MAP2K1: variants seen among roughly 807,000 people sequenced by gnomAD.
The protein encoded by MAP2K1 is dual specificity mitogen-activated protein kinase kinase 1.
In MAP2K1, 16 loss-of-function variants were observed where a neutral mutation model predicts 46.3. The ratio of observed to expected loss-of-function variants is 0.35; its 90% CI spans 0.23 to 0.52. The LOEUF is 0.52. Among genes scored for constraint, MAP2K1 ranks in the 20% least tolerant of loss-of-function variants. The probability of loss-of-function intolerance (pLI) is 0.94; values close to 1 mark genes in which losing one functional copy is unlikely to be tolerated. For synonymous variants in MAP2K1, 183 were observed against 185.6 expected, an observed-to-expected ratio of 0.99 and a Z score of 0.11; for missense variants, 263 against 497.1, an observed-to-expected ratio of 0.53 and a Z score of 4.48.
chr15:66,403,046 C>G (rs1380222566), intron 1 of MAP2K1, among the ~76,000 whole-genome samples: 1 of 152,200 alleles, frequency 6.6e-6, no homozygotes, highest in Non-Finnish European at 1.5e-5. Context: ...CTAACAGGTT[C>G]TCTAGACCTG....
intron 1 of MAP2K1, among the ~76,000 whole-genome samples, chr15:66,403,808 C>T (rs547034187): frequency 6.6e-6 from 1 of 152,296 alleles, no homozygotes; most frequent in Admixed American, 6.5e-5. Context: ...ATCAGACCCT[C>T]AGTCCATTTG....
chr15:66,432,181 G>C (rs558004487), intron 1 of MAP2K1, among the ~76,000 whole-genome samples: 1 of 152,220 alleles, frequency 6.6e-6, no homozygotes, highest in African/African-American at 2.4e-5. Context: ...TTGTCAACAC[G>C]ATTCCATCTC....
At chr15:66,447,146 C>A (rs1891890215) in intron 5 of MAP2K1, among the ~76,000 whole-genome samples, 1 of 151,708 alleles carries the variant, frequency 6.6e-6, no homozygotes, top group East Asian at 1.9e-4. Flanking sequence ...TTAGGTGATA[C>A]ATCACTGGTG....
At chr15:66,422,806 A>C (rs957974242) in intron 1 of MAP2K1, among the ~76,000 whole-genome samples, 1 of 151,962 alleles carries the variant, frequency 6.6e-6, no homozygotes, top group African/African-American at 2.4e-5. Flanking sequence ...TATCTCTTCA[A>C]GTATTTCTTC....
At chr15:66,474,374 CAAG>C (rs2140655435) in intron 5 of MAP2K1, among the ~76,000 whole-genome samples, 1 of 152,240 alleles carries the variant, frequency 6.6e-6, no homozygotes, top group East Asian at 1.9e-4. Flanking sequence ...TTGGCCTTGT[CAAG>C]AAGGATAATG....
chr15:66,478,238 T>TTATA (rs201230001), intron 5 of MAP2K1, among the ~76,000 whole-genome samples: 2 of 143,402 alleles, frequency 1.4e-5, no homozygotes, highest in Middle Eastern at 3.3e-3. Flanking sequence ...CAGGGTTTTA[T>TTATA]TATATATATA....
intron 7 of MAP2K1, 60 bp downstream of exon 7, chr15:66,485,251 G>C: frequency 6.7e-7 from 1 of 1,494,828 alleles, no homozygotes; most frequent in Non-Finnish European, 9.2e-7. Context: ...CTTACTTTCA[G>C]GGGTTTCTGG....
intron 1 of MAP2K1, among the ~76,000 whole-genome samples, chr15:66,428,124 A>G (rs1379549157): frequency 6.6e-6 from 1 of 152,146 alleles, no homozygotes; most frequent in Non-Finnish European, 1.5e-5. Context: ...TTTATGTATC[A>G]TAAAAGCATA....
At chr15:66,448,663 T>C (rs148553805) in intron 5 of MAP2K1, among the ~76,000 whole-genome samples, 2,070 of 152,274 alleles carry the variant, frequency 0.014, 19 homozygotes, top group Non-Finnish European at 0.019. Flanking sequence ...TTCAGTTTTG[T>C]GCATCTATTA....
chr15:66,486,846 A>G (rs1356203283), intron 7 of MAP2K1, among the ~76,000 whole-genome samples: 1 of 152,224 alleles, frequency 6.6e-6, no homozygotes, highest in Non-Finnish European at 1.5e-5. Context: ...CTAGGAGACA[A>G]AAGGAAGAAA....
intron 5 of MAP2K1, among the ~76,000 whole-genome samples, chr15:66,452,297 A>AG (rs1332940563): frequency 2.8e-5 from 1 of 36,310 alleles, no homozygotes; most frequent in African/African-American, 9.4e-5. Flanking sequence ...TAAAAAAAAA[A>AG]AAAAAAGAAA....
intron 1 of MAP2K1, among the ~76,000 whole-genome samples, chr15:66,420,875 A>T (rs369873137): frequency 4.2e-5 from 5 of 118,428 alleles, no homozygotes; most frequent in African/African-American, 1.5e-4. Context: ...ATATGTGTGT[A>T]TATATATGTG....
intron 3 of MAP2K1, among the ~76,000 whole-genome samples, chr15:66,441,182 T>C (rs543805469): frequency 2.6e-5 from 4 of 152,090 alleles, no homozygotes; most frequent in Admixed American, 2.0e-4. Flanking sequence ...CCCAGGCTGG[T>C]CTTGAACTCC....
At chr15:66,478,989 G>A (rs927713377) in intron 5 of MAP2K1, among the ~76,000 whole-genome samples, 3 of 152,142 alleles carry the variant, frequency 2.0e-5, no homozygotes, top group African/African-American at 4.8e-5. Flanking sequence ...AGGGTGGGTA[G>A]AAGAGGACAG....
At chr15:66,465,431 G>A (rs1892438856) in intron 5 of MAP2K1, among the ~76,000 whole-genome samples, 1 of 152,136 alleles carries the variant, frequency 6.6e-6, no homozygotes, top group Non-Finnish European at 1.5e-5. Flanking sequence ...GAACAGAACA[G>A]GACAGGGATT....
intron 1 of MAP2K1, among the ~76,000 whole-genome samples, chr15:66,396,158 A>C (rs188734403): frequency 6.6e-6 from 1 of 151,882 alleles, no homozygotes; most frequent in Admixed American, 6.6e-5. Flanking sequence ...GGTATGCGCC[A>C]CCACATCTGG....
At position 66,449,977 on chromosome 15, in the gene MAP2K1, G is replaced by T. The variant is rs1390933512; in HGVS notation, c.568+5270G>T. On this transcript the variant is annotated intron_variant, in intron 5 of 10. Coordinates refer to ENST00000307102, the MANE Select transcript of MAP2K1 (RefSeq NM_002755.4). ...GCTTCATCCCTGGGATGCAAGGCTG[G>T]TTCAATATACGCAAATCAATAAATG... Among the ~76,000 whole-genome samples, 3 of 143,062 alleles carry T rather than the reference G, an allele frequency of 2.1e-5. No individual in the cohort carries two copies. In the South Asian group the frequency reaches 7.1e-4, roughly 34 times the overall value. 93.9% of individuals were successfully genotyped at this position (143,062 alleles called of 152,430 possible).
intron 1 of MAP2K1, among the ~76,000 whole-genome samples, chr15:66,402,819 A>G (rs144589564): frequency 6.6e-6 from 1 of 152,310 alleles, no homozygotes; most frequent in Non-Finnish European, 1.5e-5. Flanking sequence ...TCTGCAAAAC[A>G]ACTTTTTCTT....
At chr15:66,437,512 G>A (rs1164153158) in intron 3 of MAP2K1, among the ~76,000 whole-genome samples, 1 of 152,180 alleles carries the variant, frequency 6.6e-6, no homozygotes. Context: ...TTCTCCCTGG[G>A]CTGATGGCTT....
Sources: gnomAD v4.1 joint callset for allele counts (sites outside exome capture counted in the v4.1 genomes callset) on GRCh38, gnomAD v4.1.1 for gene constraint, MANE v1.5 for transcripts, NCBI Gene and HGNC (gene_info 2026-07-23, HGNC 2026-07-21) for gene names.